The following DOCK10 variants were observed in gnomAD, a reference collection of about 807,000 sequenced individuals.
DOCK10 encodes dedicator of cytokinesis 10.
Under a neutral mutation model 280.1 loss-of-function variants are expected in DOCK10, and 145 were observed. The ratio of observed to expected loss-of-function variants is 0.52; its 90% CI spans 0.45 to 0.59. The LOEUF is 0.59. Among genes scored for constraint, DOCK10 ranks in the 20% least tolerant of loss-of-function variants. DOCK10 has a pLI of 0.00. For missense variants in DOCK10, 2,368 were observed against 2,651.7 expected (o/e 0.89, Z 2.35); for synonymous variants, 915 against 942.2 (o/e 0.97, Z 0.53).
intron 3 of DOCK10, 61 bp from the exon 4 acceptor site, chr2:224,896,438 G>T (rs1189100065): frequency 1.8e-6 from 2 of 1,104,560 alleles, no homozygotes; most frequent in African/African-American, 1.6e-5. Flanking sequence ...GCTGGGCGCG[G>T]TGGCGCTTGC....
chr2:224,921,112 A>AAATATATATATATATATATATATATATAT, intron 2 of DOCK10, among the ~76,000 whole-genome samples: 1 of 54,418 alleles, frequency 1.8e-5, no homozygotes, highest in Admixed American at 1.9e-4. Flanking sequence ...AAAAAAAAAA[A>AAATATATATATATATATATATATATATAT]ATATATATAT....
At chr2:224,782,721 G>A (rs948675614) in intron 50 of DOCK10, among the ~76,000 whole-genome samples, 2 of 152,150 alleles carry the variant, frequency 1.3e-5, no homozygotes, top group Non-Finnish European at 2.9e-5. Flanking sequence ...TATAAAATGA[G>A]AGCAGTGGTC....
chr2:224,983,630 G>A (rs1559924095), intron 1 of DOCK10: 4 of 358,638 alleles, frequency 1.1e-5, no homozygotes, highest in South Asian at 2.2e-5. Context: ...TTGCTTTCGC[G>A]GAAGCATCTA....
At chr2:224,801,356 T>C (rs1305365088) in intron 40 of DOCK10, among the ~76,000 whole-genome samples, 8 of 151,918 alleles carry the variant, frequency 5.3e-5, no homozygotes, top group Non-Finnish European at 1.2e-4. Flanking sequence ...CATGTGATGT[T>C]ATGCCAGAGT....
intron 51 of DOCK10, among the ~76,000 whole-genome samples, chr2:224,776,913 A>C (rs1690906192): frequency 6.6e-6 from 1 of 152,168 alleles, no homozygotes; most frequent in African/African-American, 2.4e-5. Flanking sequence ...CCCTGCCCTG[A>C]GCTTTCCTTG....
At chr2:224,792,887 A>G (rs957119149) in intron 47 of DOCK10, 87 bp downstream of exon 47, 39 of 1,014,084 alleles carry the variant, frequency 3.8e-5, no homozygotes, top group Non-Finnish European at 1.5e-6. Context: ...TTCTAAGAAT[A>G]TATTTAAGAA....
chr2:224,858,115 A>G (rs1160524158), intron 14 of DOCK10, among the ~76,000 whole-genome samples: 1 of 152,206 alleles, frequency 6.6e-6, no homozygotes, highest in Non-Finnish European at 1.5e-5. Flanking sequence ...AGTGCATCAC[A>G]TGTTGAAACT....
intron 7 of DOCK10, among the ~76,000 whole-genome samples, chr2:224,884,318 G>A (rs1303752845): frequency 1.3e-5 from 2 of 152,152 alleles, no homozygotes; most frequent in African/African-American, 4.8e-5. Flanking sequence ...CTCCAGGAGT[G>A]GTCTGTGATG....
intron 1 of DOCK10, among the ~76,000 whole-genome samples, chr2:225,036,752 G>A (rs1285923448): frequency 6.6e-6 from 1 of 152,094 alleles, no homozygotes; most frequent in Non-Finnish European, 1.5e-5. Context: ...TTTATCTAAT[G>A]GACTTCTTAA....
intron 7 of DOCK10, among the ~76,000 whole-genome samples, chr2:224,880,035 A>G (rs1698886538): frequency 6.6e-6 from 1 of 152,200 alleles, no homozygotes; most frequent in Non-Finnish European, 1.5e-5. Flanking sequence ...CCTGCTTTCG[A>G]ATGAAGATGC....
intron 1 of DOCK10, among the ~76,000 whole-genome samples, chr2:224,959,702 A>G (rs1559868315): frequency 6.6e-6 from 1 of 152,202 alleles, no homozygotes; most frequent in Admixed American, 6.5e-5. Flanking sequence ...TATTGATAAT[A>G]TCTTGCTAAA....
chr2:224,979,109 G>A (rs1705612531), intron 1 of DOCK10, among the ~76,000 whole-genome samples: 1 of 152,244 alleles, frequency 6.6e-6, no homozygotes, highest in South Asian at 2.1e-4. Context: ...TCCCTGCTTT[G>A]ACCCTTGACC....
chr2:224,917,926 A>C (rs1374229764), intron 2 of DOCK10, among the ~76,000 whole-genome samples: 1 of 152,186 alleles, frequency 6.6e-6, no homozygotes, highest in Non-Finnish European at 1.5e-5. Flanking sequence ...AACAGCTGAG[A>C]TCTCGTATAT....
intron 1 of DOCK10, among the ~76,000 whole-genome samples, chr2:224,935,117 T>G (rs1702612718): frequency 6.6e-6 from 1 of 152,194 alleles, no homozygotes; most frequent in Non-Finnish European, 1.5e-5. Flanking sequence ...CTACCTGATT[T>G]CACTACTGAA....
chr2:224,800,082 T>C, intron 41 of DOCK10, 69 bp downstream of exon 41: 4 of 907,348 alleles, frequency 4.4e-6, no homozygotes, highest in East Asian at 5.3e-5. Context: ...AACCATGTTT[T>C]TGACTTCACA....
At chr2:224,823,464 G>C (rs746795701) in intron 28 of DOCK10, 37 bp downstream of exon 28, 2 of 1,509,686 alleles carry the variant, frequency 1.3e-6, no homozygotes. Flanking sequence ...CACCAACATG[G>C]GGCCTTGAAT....
At chr2:224,818,938 C>G (rs1694328113) in intron 29 of DOCK10, among the ~76,000 whole-genome samples, 1 of 152,130 alleles carries the variant, frequency 6.6e-6, no homozygotes, top group Admixed American at 6.5e-5. Flanking sequence ...AAAACAATCA[C>G]CTAGAGGTCC....
At chr2:224,959,814 G>T (rs766788113) in intron 1 of DOCK10, among the ~76,000 whole-genome samples, 11 of 152,254 alleles carry the variant, frequency 7.2e-5, no homozygotes, top group Admixed American at 3.3e-4. Flanking sequence ...TTTCCAACAG[G>T]CCTGATGTTC....
chr2:224,924,833 C>G (rs752018264), intron 2 of DOCK10, among the ~76,000 whole-genome samples: 2 of 152,170 alleles, frequency 1.3e-5, no homozygotes, highest in Non-Finnish European at 2.9e-5. Flanking sequence ...TAATATTTCC[C>G]CCAACTTGTG....
Sources: allele counts gnomAD v4.1 joint callset (sites outside exome capture counted in the v4.1 genomes callset), GRCh38; gene constraint gnomAD v4.1.1; transcripts MANE v1.5; gene names NCBI Gene and HGNC (gene_info 2026-07-23, HGNC 2026-07-21).